Variants in TATDN1 observed in about 807,000 individuals in gnomAD.
TATDN1 encodes TatD DNase domain containing 1, also known as deoxyribonuclease TATDN1.
In TATDN1, 40 loss-of-function variants were observed where a neutral mutation model predicts 46.4. The observed-to-expected ratio is 0.86, with a 90% confidence interval of 0.67 to 1.12. TATDN1 has a LOEUF of 1.12. TATDN1 is among the 50% of genes most tolerant of loss of function. TATDN1 has a pLI of 0.00. For missense variants in TATDN1, 326 were observed against 348.4 expected, an observed-to-expected ratio of 0.94 and a Z score of 0.51; for synonymous variants, 95 against 105.6, an observed-to-expected ratio of 0.90 and a Z score of 0.62.
intron 1 of TATDN1, among the ~76,000 whole-genome samples, chr8:124,527,085 T>G (rs1179430964): frequency 6.6e-6 from 1 of 152,210 alleles, no homozygotes; most frequent in African/African-American, 2.4e-5. Flanking sequence ...AGCCTTTGGC[T>G]GAGAACAAAA....
intron 1 of TATDN1, chr8:124,523,207 C>T (rs996566839): frequency 4.5e-5 from 25 of 552,990 alleles, no homozygotes; most frequent in East Asian, 3.1e-4. Flanking sequence ...AGAAACTCAC[C>T]GCAGAACTGG....
chr8:124,499,132 A>G (rs956988097), intron 9 of TATDN1, among the ~76,000 whole-genome samples: 1 of 150,814 alleles, frequency 6.6e-6, no homozygotes, highest in Non-Finnish European at 1.5e-5. Flanking sequence ...GCTATTACAG[A>G]TTCTTTCCTT....
At chr8:124,495,740 C>T (rs547261889) in intron 9 of TATDN1, among the ~76,000 whole-genome samples, 198 bp from the exon 10 acceptor site, 36 of 152,252 alleles carry the variant, frequency 2.4e-4, no homozygotes, top group African/African-American at 7.2e-4. Flanking sequence ...ATCTGCCTTC[C>T]GGGGATGCAA....
In TATDN1 at chr8:124,522,211, T is replaced by C; in HGVS notation, c.89-11A>G. ...CATCCTGTAAGTCATCTGTAAAAGATAAACTCTGTATTATGAAAACCTGGC... is the reference window on the plus strand; with the variant it reads ...CATCCTGTAAGTCATCTGTAAAAGACAAACTCTGTATTATGAAAACCTGGC... On this transcript the variant is annotated splice_polypyrimidine_tract_variant and intron_variant, in intron 2 of 11. Transcript: ENST00000276692. 1 of 1,574,430 alleles carries C rather than the reference T, an allele frequency of 6.4e-7. No homozygotes were observed. The highest frequency in any genetic ancestry group is 8.6e-7 in the Non-Finnish European group (1 of 1,157,466).
intron 6 of TATDN1, among the ~76,000 whole-genome samples, chr8:124,515,448 G>A (rs778266714): frequency 1.3e-5 from 2 of 152,150 alleles, no homozygotes; most frequent in Non-Finnish European, 2.9e-5. Flanking sequence ...GTTCACGTAT[G>A]AATGCGTCTG....
intron 3 of TATDN1, among the ~76,000 whole-genome samples, chr8:124,520,424 G>T (rs1453862194): frequency 6.6e-6 from 1 of 150,844 alleles, no homozygotes; most frequent in African/African-American, 2.4e-5. Flanking sequence ...GGGACAGAGC[G>T]AGACTCGCCT....
At chr8:124,519,795 T>A (rs571789260) in intron 3 of TATDN1, among the ~76,000 whole-genome samples, 1 of 152,206 alleles carries the variant, frequency 6.6e-6, no homozygotes, top group Non-Finnish European at 1.5e-5. Flanking sequence ...CCCATTAGAG[T>A]CCGCTCAGTA....
chr8:124,515,444 G>A (rs753518956), intron 6 of TATDN1, among the ~76,000 whole-genome samples: 12 of 152,132 alleles, frequency 7.9e-5, no homozygotes, highest in Non-Finnish European at 1.3e-4. Flanking sequence ...AACTGTTCAC[G>A]TATGAATGCG....
chr8:124,508,940 T>C (rs1818762335), intron 6 of TATDN1, among the ~76,000 whole-genome samples: 1 of 152,206 alleles, frequency 6.6e-6, no homozygotes, highest in Non-Finnish European at 1.5e-5. Context: ...GTAACACCAC[T>C]GGCCCCTTGC....
At chr8:124,525,567 C>A (rs1820414893) in intron 1 of TATDN1, among the ~76,000 whole-genome samples, 1 of 152,196 alleles carries the variant, frequency 6.6e-6, no homozygotes, top group Non-Finnish European at 1.5e-5. Flanking sequence ...CATAAACTTT[C>A]TCCTTCCAGC....
chr8:124,535,264 C>G (rs191056555), intron 1 of TATDN1, among the ~76,000 whole-genome samples: 11 of 152,286 alleles, frequency 7.2e-5, no homozygotes, highest in African/African-American at 2.6e-4. Flanking sequence ...GAAATGGGAG[C>G]AGAGAACACA....
intron 1 of TATDN1, chr8:124,538,780 G>A (rs978003663): frequency 2.9e-5 from 17 of 589,128 alleles, no homozygotes; most frequent in Non-Finnish European, 4.6e-5. Context: ...GTTGAAAACA[G>A]CACAAAAATC....
At position 124,504,283 on chromosome 8, in the gene TATDN1, C is replaced by T. The variant is rs578214623; in HGVS notation, c.581G>A (p.Gly194Glu). 1 of 1,605,120 alleles carries T rather than the reference C, an allele frequency of 6.2e-7. No individual in the cohort carries two copies. Among genetic ancestry groups the T allele is most frequent in the South Asian group, 1.1e-5 (1 of 88,400 alleles). Residue 194 changes from glycine to glutamate, a missense_variant, in exon 9 of 12, where the codon GGA (glycine) becomes GAA (glutamate). By Grantham distance (98) the Gly-to-Glu change is moderately conservative. Coordinates refer to ENST00000276692, the MANE Select transcript of TATDN1 (RefSeq NM_032026.4). ...AALIDLDLYI[G>E]FNGCSLKTEA... The stretch of plus-strand genomic sequence containing the variant: ...CCTAAGAACGTACCAACCATTAAAT[C>T]CTATATAAAGATCCAAGTCAATCAA...
At chr8:124,535,691 A>T (rs1821373456) in intron 1 of TATDN1, among the ~76,000 whole-genome samples, 1 of 152,332 alleles carries the variant, frequency 6.6e-6, no homozygotes, top group East Asian at 1.9e-4. Context: ...GAACTGTATT[A>T]ATCTGCTTTT....
intron 9 of TATDN1, among the ~76,000 whole-genome samples, chr8:124,496,958 G>T (rs1042191583): frequency 6.6e-6 from 1 of 151,994 alleles, no homozygotes; most frequent in African/African-American, 2.4e-5. Flanking sequence ...TTTAATTCAG[G>T]ATGTTTCAAC....
intron 1 of TATDN1, among the ~76,000 whole-genome samples, chr8:124,525,366 C>T (rs1820394323): frequency 1.3e-5 from 2 of 152,018 alleles, no homozygotes; most frequent in Non-Finnish European, 2.9e-5. Flanking sequence ...AGGCTGGTCT[C>T]GAACTCCTGA....
chr8:124,532,517 C>A (rs1297000219), intron 1 of TATDN1, among the ~76,000 whole-genome samples: 2 of 152,196 alleles, frequency 1.3e-5, no homozygotes, highest in Non-Finnish European at 2.9e-5. Context: ...CTCCTGACCT[C>A]AAGTGATCCA....
At chr8:124,536,823 C>T (rs1480449829) in intron 1 of TATDN1, among the ~76,000 whole-genome samples, 2 of 151,290 alleles carry the variant, frequency 1.3e-5, no homozygotes, top group Admixed American at 1.3e-4. Flanking sequence ...TTTTAAATGA[C>T]ACAAACTGAA....
chr8:124,529,160 T>G (rs1820749137), intron 1 of TATDN1, among the ~76,000 whole-genome samples: 1 of 152,230 alleles, frequency 6.6e-6, no homozygotes, highest in Non-Finnish European at 1.5e-5. Flanking sequence ...TCAAGTGCTG[T>G]CTTTGTTTCG....
Sources: allele counts gnomAD v4.1 joint callset (sites outside exome capture counted in the v4.1 genomes callset), GRCh38; gene constraint gnomAD v4.1.1; transcripts MANE v1.5; gene names NCBI Gene and HGNC (gene_info 2026-07-23, HGNC 2026-07-21).